RBMS3: variants seen among roughly 807,000 people sequenced by gnomAD.
The protein encoded by RBMS3 is RNA binding motif single stranded interacting protein 3.
Under a neutral mutation model 66.8 loss-of-function variants are expected in RBMS3, and 27 were observed. The observed-to-expected ratio is 0.40, with a 90% CI of 0.30 to 0.56. The LOEUF is 0.56. Ranked by LOEUF, RBMS3 falls within the 20% of genes least tolerant of loss-of-function variation. RBMS3 has a pLI of 0.40. For synonymous variants in RBMS3, 188 were observed against 183.0 expected, an observed-to-expected ratio of 1.03 and a Z score of -0.22; for missense variants, 513 against 549.5, an observed-to-expected ratio of 0.93 and a Z score of 0.66.
chr3:29,739,974 CAAAAAA>C, intron 5 of RBMS3, 97 bp downstream of exon 5: 2 of 561,606 alleles, frequency 3.6e-6, no homozygotes, highest in South Asian at 8.9e-5. Flanking sequence ...ATAGAATATG[CAAAAAA>C]AAAAAAAAAA....
chr3:29,715,859 C>A (rs2053371774), intron 4 of RBMS3, among the ~76,000 whole-genome samples: 1 of 152,158 alleles, frequency 6.6e-6, no homozygotes, highest in South Asian at 2.1e-4. Context: ...TTTGTGTACA[C>A]TTCTTCCATG....
intron 3 of RBMS3, among the ~76,000 whole-genome samples, chr3:29,575,322 C>T (rs1010831573): frequency 6.6e-6 from 1 of 151,350 alleles, no homozygotes; most frequent in African/African-American, 2.4e-5. Context: ...ATATGTCATG[C>T]CACTCTCTCC....
At chr3:29,749,456 G>T (rs1008827772) in intron 5 of RBMS3, among the ~76,000 whole-genome samples, 3 of 152,134 alleles carry the variant, frequency 2.0e-5, no homozygotes, top group Non-Finnish European at 4.4e-5. Flanking sequence ...ATAATGAATG[G>T]CCATATAGGC....
intron 3 of RBMS3, among the ~76,000 whole-genome samples, chr3:29,516,441 T>G (rs975081402): frequency 2.0e-5 from 3 of 152,130 alleles, no homozygotes; most frequent in Middle Eastern, 3.4e-3. Flanking sequence ...GGAAGTTTTT[T>G]TTTGTTTGTT....
At chr3:29,584,555 A>G (rs1371888784) in intron 3 of RBMS3, among the ~76,000 whole-genome samples, 1 of 152,228 alleles carries the variant, frequency 6.6e-6, no homozygotes, top group East Asian at 1.9e-4. Context: ...TCTCAGACCA[A>G]TAATTAGATT....
intron 14 of RBMS3, among the ~76,000 whole-genome samples, chr3:30,001,241 T>C (rs1559880695): frequency 6.6e-6 from 1 of 152,108 alleles, no homozygotes; most frequent in African/African-American, 2.4e-5. Flanking sequence ...TTCCACACTC[T>C]GGATCACAGA....
chr3:29,537,963 G>T (rs2045634441), intron 3 of RBMS3, among the ~76,000 whole-genome samples: 1 of 151,852 alleles, frequency 6.6e-6, no homozygotes, highest in African/African-American at 2.4e-5. Context: ...CCTTGTATTT[G>T]CTTTTTGCAT....
intron 2 of RBMS3, among the ~76,000 whole-genome samples, chr3:29,455,497 C>G (rs1161015839): frequency 6.6e-6 from 1 of 152,114 alleles, no homozygotes; most frequent in Non-Finnish European, 1.5e-5. Flanking sequence ...AAGATTCCCA[C>G]AAGCCTCTGA....
intron 13 of RBMS3, among the ~76,000 whole-genome samples, chr3:29,989,065 C>T (rs1337378366): frequency 6.6e-6 from 1 of 152,066 alleles, no homozygotes. Context: ...TAATACGTAC[C>T]AAAGACTAGA....
chr3:29,936,072 G>A lies in RBMS3; in HGVS notation c.940-14G>A, dbSNP rs1189014041. 6.2e-7 allele frequency: 1 copy of A among 1,603,558 alleles called. No individual in the cohort carries two copies. The highest frequency in any genetic ancestry group is 8.5e-7 in the Non-Finnish European group (1 of 1,172,092). ...TAGGATATATTTTCAAATGGACATTGTATATGCTTGTAGGGTGCTGTGATT... is the reference window on the plus strand; with the variant it reads ...TAGGATATATTTTCAAATGGACATTATATATGCTTGTAGGGTGCTGTGATT... On this transcript the variant is annotated splice_polypyrimidine_tract_variant and intron_variant, in intron 10 of 14. Coordinates refer to ENST00000383767, the MANE Select transcript of RBMS3 (RefSeq NM_001003793.3).
chr3:29,631,816 A>C (rs2049292129), intron 4 of RBMS3, among the ~76,000 whole-genome samples: 1 of 151,876 alleles, frequency 6.6e-6, no homozygotes, highest in South Asian at 2.1e-4. Context: ...ATTAAACAGA[A>C]AAGGGGAGGA....
intron 3 of RBMS3, among the ~76,000 whole-genome samples, chr3:29,508,506 C>T (rs2044271520): frequency 6.6e-6 from 1 of 152,116 alleles, no homozygotes; most frequent in African/African-American, 2.4e-5. Flanking sequence ...CCAGCTTCAT[C>T]CATGTCCCTG....
intron 1 of RBMS3, among the ~76,000 whole-genome samples, chr3:29,357,363 A>T (rs147618982): frequency 6.6e-6 from 1 of 152,076 alleles, no homozygotes; most frequent in Non-Finnish European, 1.5e-5. Flanking sequence ...CCATGTCCCT[A>T]CAAAGGACAT....
At chr3:29,801,187 G>A (rs947506867) in intron 6 of RBMS3, among the ~76,000 whole-genome samples, 1 of 151,916 alleles carries the variant, frequency 6.6e-6, no homozygotes, top group South Asian at 2.1e-4. Flanking sequence ...ACACAGCAAT[G>A]GGGGTCAGTT....
rs944340921 is a variant in RBMS3 at position 29,325,223 on chromosome 3, C to A, written c.75+43467C>A. On this transcript the variant is annotated intron_variant, in intron 1 of 14. Coordinates refer to ENST00000383767, the MANE Select transcript of RBMS3 (RefSeq NM_001003793.3). ...TGCAGAACATTTGTATTTTATATTT[C>A]GTTTGTGAAAAAAGGCGGTGGTGGG... is the stretch of plus-strand genomic sequence containing the variant. Among the ~76,000 whole-genome samples, 4 of 151,966 alleles carry A rather than the reference C, an allele frequency of 2.6e-5. No homozygotes were observed. In the East Asian group the frequency reaches 7.7e-4, roughly 29 times the overall value.
chr3:29,920,685 C>T (rs1193501005), intron 10 of RBMS3, among the ~76,000 whole-genome samples: 1 of 151,846 alleles, frequency 6.6e-6, no homozygotes, highest in Non-Finnish European at 1.5e-5. Context: ...AACTTAAATA[C>T]CTCAGATAGG....
intron 3 of RBMS3, among the ~76,000 whole-genome samples, chr3:29,549,612 C>G (rs1376996777): frequency 1.3e-5 from 2 of 151,964 alleles, no homozygotes; most frequent in African/African-American, 4.8e-5. Context: ...ATTGGTCAGG[C>G]TGGTCTCGAA....
intron 1 of RBMS3, among the ~76,000 whole-genome samples, chr3:29,348,631 G>A (rs2036725168): frequency 6.6e-6 from 1 of 150,556 alleles, no homozygotes; most frequent in Non-Finnish European, 1.5e-5. Context: ...TTACAATACA[G>A]TAATAAAAAT....
At chr3:29,481,726 G>T (rs1365632148) in intron 2 of RBMS3, among the ~76,000 whole-genome samples, 1 of 152,174 alleles carries the variant, frequency 6.6e-6, no homozygotes, top group African/African-American at 2.4e-5. Context: ...AAGCATAAAT[G>T]CTAAATCATG....
Sources: gnomAD v4.1 joint callset for allele counts (sites outside exome capture counted in the v4.1 genomes callset) on GRCh38, gnomAD v4.1.1 for gene constraint, MANE v1.5 for transcripts, NCBI Gene and HGNC (gene_info 2026-07-23, HGNC 2026-07-21) for gene names.